Variants in INTS14 observed in about 807,000 individuals in gnomAD.
INTS14 encodes the protein UPF0464 protein C15orf44.
A neutral mutation model predicts 56.9 loss-of-function variants in INTS14; 27 were observed. That is an observed-to-expected ratio of 0.47 (90% CI 0.35 to 0.65). The LOEUF is 0.65. INTS14 is among the 30% of genes least tolerant of loss of function. INTS14 has a pLI of 0.00. For missense variants in INTS14, 517 were observed against 632.2 expected, an observed-to-expected ratio of 0.82 and a Z score of 1.95; for synonymous variants, 207 against 236.2, an observed-to-expected ratio of 0.88 and a Z score of 1.13.
Position 65,593,513 on chromosome 15 carries a change from G to C in INTS14, c.901C>G (p.Gln301Glu). ...DDNEDENSAN[Q>E]IAGKIPNFCV... Reference sequence around the variant, plus strand: ...AAGTTGGGTATTTTGCCTGCAATCTGATTGGCTGAATTTTCATCTTCATTG... The same window carrying C: ...AAGTTGGGTATTTTGCCTGCAATCTCATTGGCTGAATTTTCATCTTCATTG... Residue 301 changes from glutamine (Q) to glutamate (E), a missense_variant, in exon 8 of 12, where the codon CAG (glutamine) becomes GAG (glutamate). Coordinates refer to ENST00000313182, the MANE Select transcript of INTS14 (RefSeq NM_001394796.1). 1 of 1,613,882 alleles carries C rather than the reference G, an allele frequency of 6.2e-7. No homozygotes were observed. The highest frequency in any genetic ancestry group is 8.5e-7 in the Non-Finnish European group (1 of 1,179,934).
intron 8 of INTS14, 56 bp from the exon 9 acceptor site, chr15:65,591,787 T>G (rs2073043309): frequency 1.9e-6 from 3 of 1,586,336 alleles, no homozygotes; most frequent in African/African-American, 2.7e-5. Context: ...ACTGTCAAGT[T>G]AAATAAGTCT....
intron 10 of INTS14, 22 bp from the exon 11 acceptor site, chr15:65,582,041 ATCC>A: frequency 6.4e-7 from 1 of 1,555,034 alleles, no homozygotes. Context: ...AAAAAAAAAA[ATCC>A]AACATTAGAA....
At chr15:65,586,711 G>A (rs1050540663) in intron 9 of INTS14, 2 of 152,126 alleles carry the variant, frequency 1.3e-5, no homozygotes, top group Non-Finnish European at 2.9e-5. Context: ...TAAATTTGAA[G>A]ATACAGAAGA....
rs371744375 is a variant in INTS14, at chr15:65,595,710, G to T, written c.841+23C>A. 14 of 1,550,122 alleles carry T rather than the reference G, an allele frequency of 9.0e-6. No homozygotes were observed. In the Admixed American group the frequency reaches 2.2e-4, roughly 24 times the overall value. On this transcript the variant is annotated intron_variant, in intron 7 of 11. Transcript: ENST00000313182. ...CTTTAGTTAATAAGACGCTTCAGAC[G>T]TATCAGTGGAATAGGAACTCACCTT... is the stretch of plus-strand genomic sequence containing the variant.
intron 3 of INTS14, among the ~76,000 whole-genome samples, chr15:65,601,468 G>A (rs111611537): frequency 0.022 from 3,401 of 152,134 alleles, 68 homozygotes; most frequent in Non-Finnish European, 0.032. Context: ...TCAGCCTCCC[G>A]AGCAGCTGGA....
chr15:65,584,779 G>A lies in INTS14; in HGVS notation c.1230C>T (p.Ser410=), dbSNP rs772494546. 20 of 1,610,638 alleles carry A rather than the reference G, an allele frequency of 1.2e-5. No individual in the cohort carries two copies. Among genetic ancestry groups the A allele is most frequent in the Non-Finnish European group, 1.5e-5 (18 of 1,178,470 alleles). ...TAAATGGTAATGTTACCTGCAGGCC[G>A]CTGGGTTTGATCCAGACAGTCACAT... is the stretch of plus-strand genomic sequence containing the variant. ...AQNVTVWIKP[S]GLQTDVQKIL... is the part of the protein sequence containing the mutation. The change falls in exon 10 of 12, where the codon AGC becomes AGT. Residue 410 remains serine (S), a synonymous_variant. Coordinates refer to ENST00000313182, the MANE Select transcript of INTS14 (RefSeq NM_001394796.1).
At chr15:65,593,220 G>GC (rs1380785245) in intron 8 of INTS14, among the ~76,000 whole-genome samples, 1 of 151,902 alleles carries the variant, frequency 6.6e-6, no homozygotes, top group African/African-American at 2.4e-5. Context: ...CCGTGATCAT[G>GC]CCACTGTACC....
chr15:65,609,869 C>T (rs114826747), intron 1 of INTS14, among the ~76,000 whole-genome samples: 207 of 152,268 alleles, frequency 1.4e-3, no homozygotes, highest in African/African-American at 4.9e-3. Context: ...CTGCTGTTGA[C>T]AGTGATGACA....
At position 65,588,772 on chromosome 15, in the gene INTS14, C is replaced by G. The variant is rs567199023; in HGVS notation, c.1120+2826G>C. The stretch of plus-strand genomic sequence containing the variant: ...GAATTGGGAGTAGGAGGGATTGGTA[C>G]AAACAATAGTGCTATTTTGCATGTT... On this transcript the variant is annotated intron_variant, in intron 9 of 11. Coordinates refer to ENST00000313182, the MANE Select transcript of INTS14 (RefSeq NM_001394796.1). 7.9e-5 allele frequency among the ~76,000 whole-genome samples: 12 copies of G among 152,168 alleles called. No homozygotes were observed. The East Asian group carries it at 2.3e-3, about 29-fold the overall frequency.
chr15:65,594,896 G>A (rs2073159053), intron 7 of INTS14, among the ~76,000 whole-genome samples: 1 of 152,076 alleles, frequency 6.6e-6, no homozygotes, highest in Non-Finnish European at 1.5e-5. Context: ...TCAAGATTCT[G>A]TCTGTGAACA....
intron 3 of INTS14, among the ~76,000 whole-genome samples, chr15:65,601,814 T>C (rs1172193422): frequency 1.3e-5 from 2 of 152,238 alleles, no homozygotes; most frequent in South Asian, 2.1e-4. Flanking sequence ...TATACAATGA[T>C]TTACCTCCAT....
At chr15:65,601,991 G>A (rs2141310750) in intron 3 of INTS14, among the ~76,000 whole-genome samples, 1 of 152,230 alleles carries the variant, frequency 6.6e-6, no homozygotes, top group Admixed American at 6.5e-5. Context: ...TGAGGCCAGA[G>A]GATCACTTGA....
chr15:65,592,065 A>G (rs998395352), intron 8 of INTS14, among the ~76,000 whole-genome samples: 3 of 152,198 alleles, frequency 2.0e-5, no homozygotes, highest in Admixed American at 1.3e-4. Flanking sequence ...AGGTCCTGTC[A>G]CCTGCCTCAC....
intron 8 of INTS14, among the ~76,000 whole-genome samples, chr15:65,593,225 T>A (rs1408619034): frequency 6.6e-6 from 1 of 151,820 alleles, no homozygotes; most frequent in Non-Finnish European, 1.5e-5. Flanking sequence ...ATCATGCCAC[T>A]GTACCCCTGG....
intron 10 of INTS14, 23 bp downstream of exon 10, chr15:65,584,747 A>G (rs780857694): frequency 8.7e-6 from 14 of 1,601,410 alleles, no homozygotes; most frequent in Middle Eastern, 3.3e-4. Context: ...CCCAGTGGAA[A>G]GCAACATAAA....
chr15:65,605,528 C>A (rs773217175), intron 2 of INTS14, among the ~76,000 whole-genome samples: 27 of 152,100 alleles, frequency 1.8e-4, no homozygotes, highest in Admixed American at 2.6e-4. Flanking sequence ...AACTTTTAAA[C>A]ACATCACAAA....
chr15:65,611,067 G>T (rs1193144095), intron 1 of INTS14, 31 bp downstream of exon 1: 1 of 1,535,608 alleles, frequency 6.5e-7, no homozygotes, highest in Non-Finnish European at 8.7e-7. Context: ...GCAGCGAAAG[G>T]CAGTCCCGGG....
chr15:65,604,143 C>T (rs1280987572), intron 3 of INTS14, among the ~76,000 whole-genome samples: 14 of 152,138 alleles, frequency 9.2e-5, no homozygotes, highest in Non-Finnish European at 1.2e-4. Context: ...AGTGCAGTGG[C>T]GCAATCTCGG....
At chr15:65,585,080 T>A (rs886632271) in intron 9 of INTS14, among the ~76,000 whole-genome samples, 192 bp from the exon 10 acceptor site, 11 of 152,152 alleles carry the variant, frequency 7.2e-5, no homozygotes, top group African/African-American at 2.4e-4. Context: ...GGAGGCCCAT[T>A]TAAGTGAAAA....
Sources: gnomAD v4.1 joint callset for allele counts (sites outside exome capture counted in the v4.1 genomes callset) on GRCh38, gnomAD v4.1.1 for gene constraint, MANE v1.5 for transcripts, NCBI Gene and HGNC (gene_info 2026-07-23, HGNC 2026-07-21) for gene names.